The following ZNF75D variants were observed in gnomAD, a reference collection of about 807,000 sequenced individuals.
The protein encoded by ZNF75D is zinc finger protein 75.
A neutral mutation model predicts 33.3 loss-of-function variants in ZNF75D; 33 were observed. The observed-to-expected ratio is 0.99, with a 90% CI of 0.75 to 1.32. ZNF75D has a LOEUF of 1.32. Ranked by LOEUF, ZNF75D falls within the 40% of genes most tolerant of loss-of-function variation. The probability of loss-of-function intolerance (pLI) is 0.00; values close to 1 mark genes in which losing one functional copy is unlikely to be tolerated. For missense variants in ZNF75D, 338 were observed against 367.5 expected, an observed-to-expected ratio of 0.92 and a Z score of 0.66; for synonymous variants, 113 against 130.6, an observed-to-expected ratio of 0.87 and a Z score of 0.92.
At chrX:135,312,760 T>G (rs1456674697) in intron 1 of ZNF75D, among the ~76,000 whole-genome samples, 1 of 110,704 alleles carries the variant, frequency 9.0e-6, no homozygotes, top group Non-Finnish European at 1.9e-5. Context: ...TTAGTGATGT[T>G]GAGTACTTTT....
intron 1 of ZNF75D, among the ~76,000 whole-genome samples, chrX:135,277,940 CT>C (rs1331491764): frequency 1.8e-5 from 2 of 111,884 alleles, no homozygotes; most frequent in East Asian, 5.6e-4. Flanking sequence ...CAGCTTTGTT[CT>C]TTTTGCTTAG....
Position 135,307,957 on chromosome X carries a change from T to C in ZNF75D, c.-390-11918A>G, listed in dbSNP as rs141470645. On this transcript the variant is annotated intron_variant, in intron 1 of 6. Transcript: ENST00000370766. ...TGGCAAGATGCAGTGGGTGCTGTAA[T>C]CTACACAAAGGATAAATTTTAATGA... is the stretch of plus-strand genomic sequence containing the variant. 5.5e-3 allele frequency among the ~76,000 whole-genome samples: 623 copies of C among 112,674 alleles called. 3 individuals are homozygous for C. The highest frequency in any genetic ancestry group is 0.019 in the African/African-American group (585 of 31,093).
At chrX:135,317,313 G>A (rs1302013004) in intron 1 of ZNF75D, among the ~76,000 whole-genome samples, 5 of 111,458 alleles carry the variant, frequency 4.5e-5, no homozygotes, top group African/African-American at 9.8e-5. Flanking sequence ...GTTTTGCGGG[G>A]GACTGGTACA....
intron 1 of ZNF75D, among the ~76,000 whole-genome samples, chrX:135,306,565 G>A (rs2084289794): frequency 2.7e-5 from 3 of 111,737 alleles, no homozygotes; most frequent in Middle Eastern, 4.6e-3. Flanking sequence ...AATTGCATCT[G>A]TTCTTCCAGT....
At chrX:135,309,227 G>A (rs1362706435) in intron 1 of ZNF75D, among the ~76,000 whole-genome samples, 1 of 112,017 alleles carries the variant, frequency 8.9e-6, no homozygotes, top group Non-Finnish European at 1.9e-5. Context: ...TGTGTCAGGT[G>A]ATGATCAGAT....
At chrX:135,281,619 T>C (rs2091852130), downstream of ZNF75D, among the ~76,000 whole-genome samples, 1 of 112,288 alleles carries the variant, frequency 8.9e-6, no homozygotes, top group South Asian at 3.7e-4. Context: ...CTCATCTTCA[T>C]GGATTTATCT....
chrX:135,261,624 C>CT (rs1159078818), intron 1 of ZNF75D, among the ~76,000 whole-genome samples: 3 of 111,127 alleles, frequency 2.7e-5, no homozygotes, highest in East Asian at 2.8e-4. Context: ...GCAACCCCTG[C>CT]TTTTTTTTGT....
At chrX:135,260,712 C>T (rs182147667) in intron 1 of ZNF75D, among the ~76,000 whole-genome samples, 16 of 111,591 alleles carry the variant, frequency 1.4e-4, no homozygotes, top group African/African-American at 3.3e-4. Flanking sequence ...GTCTTGCTAG[C>T]GGTCTATCAA....
intron 1 of ZNF75D, among the ~76,000 whole-genome samples, chrX:135,328,528 G>A (rs2084610785): frequency 8.9e-6 from 1 of 111,807 alleles, no homozygotes; most frequent in Non-Finnish European, 1.9e-5. Flanking sequence ...GAGGCTAGAT[G>A]AGTTTCTGCA....
intron 1 of ZNF75D, among the ~76,000 whole-genome samples, chrX:135,300,562 G>A (rs1454934865): frequency 5.4e-5 from 6 of 110,573 alleles, no homozygotes; most frequent in Non-Finnish European, 1.1e-4. Flanking sequence ...CCTGGCTAAC[G>A]TGGTGAAACC....
In ZNF75D at chrX:135,287,862, G is replaced by T. The variant is rs1383806466; in HGVS notation, c.824-16C>A. ...AGCTTTAACCCTGTTAGAATAAACA[G>T]AATAATCAGCCATCTGTGTCCCAGT... On this transcript the variant is annotated splice_polypyrimidine_tract_variant and intron_variant, in intron 6 of 6. Transcript: ENST00000370766. The T allele has an allele frequency of 8.0e-6, 9 of 1,121,521 alleles. No individual in the cohort carries two copies. The highest frequency in any genetic ancestry group is 1.1e-5 in the Non-Finnish European group (9 of 824,358). The allele number at this position is 1,121,521 out of a possible 1,213,427, so 92.4% of individuals were successfully genotyped here. A position where few individuals can be genotyped will look rare whatever the true frequency, so the allele number is the denominator to read the frequency against.
intron 1 of ZNF75D, among the ~76,000 whole-genome samples, chrX:135,271,598 A>C (rs1340740370): frequency 8.9e-6 from 1 of 112,146 alleles, no homozygotes; most frequent in Non-Finnish European, 1.9e-5. Context: ...TAATGATCTC[A>C]GCATTCTTTC....
In ZNF75D at chrX:135,294,528, AG is replaced by A. The variant is rs782447004; in HGVS notation, c.-118-271del. 4.4e-4 allele frequency among the ~76,000 whole-genome samples: 49 copies of A among 110,296 alleles called. 1 individual carries two copies. The Middle Eastern group carries it at 0.019, about 42-fold the overall frequency. On this transcript the variant is annotated intron_variant, in intron 2 of 6. Coordinates refer to ENST00000370766, the MANE Select transcript of ZNF75D (RefSeq NM_007131.5). ...TTCCTGTTTTTTTTTTTAACAGTTGAGGAAAGATTGGTGGGTGAGAAAACTG... is the reference window on the plus strand; with the variant it reads ...TTCCTGTTTTTTTTTTTAACAGTTGAGAAAGATTGGTGGGTGAGAAAACTG...
chrX:135,336,662 G>A (rs5930690), intron 1 of ZNF75D, among the ~76,000 whole-genome samples: 1 of 111,166 alleles, frequency 9.0e-6, no homozygotes, highest in Admixed American at 9.4e-5. Flanking sequence ...CCACTTATCC[G>A]GGGCCTTTAG....
intron 6 of ZNF75D, among the ~76,000 whole-genome samples, chrX:135,289,432 A>G (rs2084003106): frequency 8.9e-6 from 1 of 112,122 alleles, no homozygotes. Flanking sequence ...CCTAGCCAAC[A>G]TGGTGAAACC....
chrX:135,329,949 GCA>G (rs1161589517), intron 1 of ZNF75D, among the ~76,000 whole-genome samples: 1 of 111,891 alleles, frequency 8.9e-6, no homozygotes, highest in Non-Finnish European at 1.9e-5. Flanking sequence ...CTCAGTGCAA[GCA>G]CAGTCATGAA....
chrX:135,333,231 G>A (rs781913144), intron 1 of ZNF75D, among the ~76,000 whole-genome samples: 1 of 111,390 alleles, frequency 9.0e-6, no homozygotes, highest in African/African-American at 3.3e-5. Context: ...CCTCAGGACC[G>A]GAGGCTGATT....
chrX:135,329,240 A>G (rs782432947), intron 1 of ZNF75D, among the ~76,000 whole-genome samples: 1 of 112,392 alleles, frequency 8.9e-6, no homozygotes, highest in East Asian at 2.8e-4. Flanking sequence ...TCTTTCTTCA[A>G]TTACCACTTT....
intron 3 of ZNF75D, among the ~76,000 whole-genome samples, chrX:135,250,535 C>T (rs782776837): frequency 0.056 from 5,932 of 105,659 alleles, 482 homozygotes; most frequent in African/African-American, 0.17. Flanking sequence ...TAGACTCTGG[C>T]CCTGCAGAGC....
Sources: gnomAD v4.1 joint callset for allele counts (sites outside exome capture counted in the v4.1 genomes callset) on GRCh38, gnomAD v4.1.1 for gene constraint, MANE v1.5 for transcripts, NCBI Gene and HGNC (gene_info 2026-07-23, HGNC 2026-07-21) for gene names.